CA6: variants seen among roughly 807,000 people sequenced by gnomAD.
CA6 encodes carbonate dehydratase VI.
In CA6, 28 loss-of-function variants were observed where a neutral mutation model predicts 35.9. The observed-to-expected ratio is 0.78, with a 90% CI of 0.58 to 1.07. The LOEUF (loss-of-function observed/expected upper bound fraction) is 1.07. Ranked by LOEUF, CA6 falls within the 50% of genes least tolerant of loss-of-function variation. CA6 has a pLI of 0.00. For missense variants in CA6, 377 were observed against 382.0 expected, an observed-to-expected ratio of 0.99 and a Z score of 0.11; for synonymous variants, 148 against 152.6, an observed-to-expected ratio of 0.97 and a Z score of 0.22.
rs750093203 is a variant in CA6, at chr1:8,963,185, C to A, written c.571+529C>A. 6.6e-6 allele frequency among the ~76,000 whole-genome samples: 1 copy of A among 152,198 alleles called. No individual in the cohort carries two copies. Among genetic ancestry groups the A allele is most frequent in the African/African-American group, 2.4e-5 (1 of 41,436 alleles). On this transcript the variant is annotated intron_variant, in intron 5 of 7. Coordinates refer to ENST00000377443, the MANE Select transcript of CA6 (RefSeq NM_001215.4). The surrounding 1 kb of genome is among the most constrained non-coding windows in gnomAD (Gnocchi z 4.1). Reference sequence around the variant, plus strand: ...ATAGCTCTGCATCCTCGACTTCACACGTCCCATTCCGGCCACACCTCCCAG... The same window carrying A: ...ATAGCTCTGCATCCTCGACTTCACAAGTCCCATTCCGGCCACACCTCCCAG...
chr1:8,951,907 C>T (rs1219837159), intron 2 of CA6: 1 of 204,466 alleles, frequency 4.9e-6, no homozygotes, highest in Non-Finnish European at 9.5e-6. Flanking sequence ...GAAACCTCCA[C>T]TTCCCAGATT....
At chr1:8,953,146 C>T (rs150882300) in intron 2 of CA6, among the ~76,000 whole-genome samples, 30 of 152,310 alleles carry the variant, frequency 2.0e-4, no homozygotes, top group African/African-American at 7.2e-4. Flanking sequence ...AGCCTTTTCA[C>T]ATTGGCTTCT....
chr1:8,948,701 G>C (rs1639435467), intron 1 of CA6, among the ~76,000 whole-genome samples: 1 of 152,102 alleles, frequency 6.6e-6, no homozygotes. Flanking sequence ...CGGGCACGGT[G>C]GCTCACGCCT....
At chr1:8,946,930 A>G (rs1485996998) in intron 1 of CA6, among the ~76,000 whole-genome samples, 1 of 151,124 alleles carries the variant, frequency 6.6e-6, no homozygotes, top group Non-Finnish European at 1.5e-5. Context: ...TAGCCTCCCA[A>G]GTAGCTGGGA....
chr1:8,948,493 G>C (rs943976331), intron 1 of CA6, among the ~76,000 whole-genome samples: 1 of 151,760 alleles, frequency 6.6e-6, no homozygotes, highest in Non-Finnish European at 1.5e-5. Context: ...AATAGTGGTG[G>C]GGGGTTCCTG....
chr1:8,963,125 C>G lies in CA6; in HGVS notation c.571+469C>G, dbSNP rs1001853340. Among the ~76,000 whole-genome samples, 3 of 152,158 alleles carry G rather than the reference C, an allele frequency of 2.0e-5. No homozygotes were observed. The highest frequency in any genetic ancestry group is 2.9e-5 in the Non-Finnish European group (2 of 68,028). ...GTTCTTGTAAGAGCCATTTCCCACC[C>G]AGGGTCAACCCTTGACTTTTGAGCT... On this transcript the variant is annotated intron_variant, in intron 5 of 7. Coordinates refer to ENST00000377443, the MANE Select transcript of CA6 (RefSeq NM_001215.4). This position sits in a 1 kb window ranked among gnomAD's most constrained non-coding sequence, Gnocchi z 4.1.
intron 4 of CA6, among the ~76,000 whole-genome samples, 196 bp downstream of exon 4, chr1:8,959,198 G>A (rs776696968): frequency 2.8e-4 from 42 of 152,138 alleles, no homozygotes; most frequent in Non-Finnish European, 1.9e-4. Context: ...CTTGGTTAAC[G>A]TGGACAAGCT....
At chr1:8,969,020 A>G (rs1310070617) in intron 6 of CA6, among the ~76,000 whole-genome samples, 1 of 150,844 alleles carries the variant, frequency 6.6e-6, no homozygotes, top group Non-Finnish European at 1.5e-5. Flanking sequence ...CCTGTCTCAA[A>G]AAAAAAAAAA....
chr1:8,949,118 T>A (rs950070709), intron 1 of CA6, 145 bp from the exon 2 acceptor site: 10 of 560,928 alleles, frequency 1.8e-5, no homozygotes, highest in Non-Finnish European at 3.0e-5. Context: ...TTGGCCTCCT[T>A]CTGGGGGACC....
intron 5 of CA6, among the ~76,000 whole-genome samples, chr1:8,965,359 T>C (rs916797797): frequency 3.9e-5 from 6 of 152,092 alleles, no homozygotes; most frequent in Admixed American, 3.9e-4. Flanking sequence ...TGCCGGAACT[T>C]TTTTTCGTCT....
chr1:8,965,886 CA>C (rs34739263), intron 5 of CA6, among the ~76,000 whole-genome samples: 56,064 of 133,554 alleles, frequency 0.42, 12,106 homozygotes, highest in East Asian at 0.65. Context: ...GACTCTGCTT[CA>C]AAAAAAAAAA....
rs12071042 is a variant in CA6, at chr1:8,975,000, A to C, written c.*296A>C. ...ACCCTAACTATTCTCCCATCAAATC[A>C]TATATGTTGACCTGTCTGAATTATA... On this transcript the variant is annotated 3_prime_UTR_variant, in exon 8 of 8. Transcript: ENST00000377443. The C allele has an allele frequency of 0.016, 4,304 of 265,260 alleles. 110 individuals are homozygous for C. The highest frequency in any genetic ancestry group is 0.063 in the African/African-American group (2,781 of 44,456). 16.4% of individuals were successfully genotyped at this position (265,260 alleles called of 1,614,324 possible). A position where few individuals can be genotyped will look rare whatever the true frequency, so the allele number is the denominator to read the frequency against.
chr1:8,969,019 A>G (rs1343329186), intron 6 of CA6, among the ~76,000 whole-genome samples: 1 of 132,688 alleles, frequency 7.5e-6, no homozygotes, highest in Non-Finnish European at 1.6e-5. Context: ...CCCTGTCTCA[A>G]AAAAAAAAAA....
At chr1:8,948,863 C>G (rs11121272) in intron 1 of CA6, among the ~76,000 whole-genome samples, 97,367 of 151,120 alleles carry the variant, frequency 0.64, 31,644 homozygotes, top group East Asian at 0.82. Flanking sequence ...CCAGCTACTC[C>G]GGAGGCTGAT....
intron 3 of CA6, among the ~76,000 whole-genome samples, chr1:8,957,887 G>A (rs1158548932): frequency 6.6e-6 from 1 of 152,054 alleles, no homozygotes; most frequent in African/African-American, 2.4e-5. Context: ...GAGGCCAGCA[G>A]GCTGAGGCTG....
intron 2 of CA6, chr1:8,952,562 A>C (rs1042348225): frequency 6.6e-6 from 1 of 152,204 alleles, no homozygotes; most frequent in Non-Finnish European, 1.5e-5. Context: ...AAAAAAAGCT[A>C]ATCTACAAAC....
At chr1:8,951,478 G>A (rs7540307) in intron 2 of CA6, 253,761 of 764,194 alleles carry the variant, frequency 0.33, 45,373 homozygotes, top group Non-Finnish European at 0.38. Flanking sequence ...GAGAAGGGGC[G>A]AAGCACAAAG....
At chr1:8,974,566 T>C (rs1172730240) in intron 7 of CA6, 56 bp from the exon 8 acceptor site, 3 of 1,453,684 alleles carry the variant, frequency 2.1e-6, no homozygotes, top group Admixed American at 3.7e-5. Flanking sequence ...CCCTTCTCTG[T>C]TTTTGTGAGG....
intron 4 of CA6, among the ~76,000 whole-genome samples, chr1:8,960,789 C>CACACACACACACACACATATAT (rs59987426): frequency 2.6e-4 from 30 of 116,968 alleles, no homozygotes; most frequent in African/African-American, 8.0e-4. Flanking sequence ...CACACACACA[C>CACACACACACACACACATATAT]ATATATATAA....
Sources: gnomAD v4.1 joint callset for allele counts (sites outside exome capture counted in the v4.1 genomes callset) on GRCh38, gnomAD v4.1.1 for gene constraint, Gnocchi (gnomAD v3.1) non-coding constraint, MANE v1.5 for transcripts, NCBI Gene and HGNC (gene_info 2026-07-23, HGNC 2026-07-21) for gene names.